SLC35F4: variants seen among roughly 807,000 people sequenced by gnomAD.
The protein encoded by SLC35F4 is chromosome 14 open reading frame 36.
A neutral mutation model predicts 44.2 loss-of-function variants in SLC35F4; 24 were observed. The observed-to-expected ratio is 0.54, with a 90% CI of 0.39 to 0.76. The LOEUF is 0.76. SLC35F4 is among the 30% of genes least tolerant of loss of function. The pLI is 0.00. For missense variants in SLC35F4, 562 were observed against 586.1 expected (o/e 0.96, Z 0.42); for synonymous variants, 238 against 223.6 (o/e 1.06, Z -0.57).
chr14:57,843,036 C>T (rs988246324), intron 1 of SLC35F4, among the ~76,000 whole-genome samples: 2 of 152,180 alleles, frequency 1.3e-5, no homozygotes, highest in African/African-American at 4.8e-5. Context: ...GACTCTTGGA[C>T]TTACACCAGT....
chr14:57,640,381 A>G (rs1212306231), intron 1 of SLC35F4, among the ~76,000 whole-genome samples: 1 of 152,110 alleles, frequency 6.6e-6, no homozygotes, highest in Non-Finnish European at 1.5e-5. Flanking sequence ...AAGGAAAAAG[A>G]AAATGTATAA....
chr14:57,755,258 C>A (rs754326923), intron 1 of SLC35F4, among the ~76,000 whole-genome samples: 1 of 152,118 alleles, frequency 6.6e-6, no homozygotes, highest in Non-Finnish European at 1.5e-5. Context: ...GGGGCCCTGA[C>A]GAAGGGGCTT....
chr14:57,616,963 C>T (rs1242476918), intron 1 of SLC35F4, among the ~76,000 whole-genome samples: 1 of 151,936 alleles, frequency 6.6e-6, no homozygotes, highest in Non-Finnish European at 1.5e-5. Context: ...ACAGACACTG[C>T]ATTATACATT....
intron 1 of SLC35F4, among the ~76,000 whole-genome samples, chr14:57,674,265 G>A (rs2074616027): frequency 6.6e-6 from 1 of 152,066 alleles, no homozygotes; most frequent in Admixed American, 6.6e-5. Flanking sequence ...ATATTGGTAG[G>A]AATATAAAAT....
chr14:57,664,183 A>G (rs2140245428), intron 1 of SLC35F4, among the ~76,000 whole-genome samples: 1 of 152,334 alleles, frequency 6.6e-6, no homozygotes, highest in East Asian at 1.9e-4. Flanking sequence ...ACAGATGTGC[A>G]GAGAACACAC....
At chr14:57,702,708 C>A (rs543304976) in intron 1 of SLC35F4, among the ~76,000 whole-genome samples, 4 of 152,146 alleles carry the variant, frequency 2.6e-5, no homozygotes, top group Admixed American at 6.6e-5. Context: ...AATTACAGCA[C>A]CAGCAGCACA....
chr14:57,691,965 G>C (rs1336599151), intron 1 of SLC35F4, among the ~76,000 whole-genome samples: 9 of 152,156 alleles, frequency 5.9e-5, no homozygotes, highest in African/African-American at 2.2e-4. Context: ...GAACACGATA[G>C]TGTGTGTCCA....
intron 1 of SLC35F4, among the ~76,000 whole-genome samples, chr14:57,811,023 A>G (rs1479733973): frequency 6.6e-6 from 1 of 152,218 alleles, no homozygotes; most frequent in Non-Finnish European, 1.5e-5. Context: ...AAATATCCTG[A>G]CTTCAAAGTA....
At chr14:57,866,751 CTG>C (rs893520978), upstream of SLC35F4, among the ~76,000 whole-genome samples, 1 of 152,026 alleles carries the variant, frequency 6.6e-6, no homozygotes, top group Non-Finnish European at 1.5e-5. Flanking sequence ...GTCCTTCAAA[CTG>C]TAAATATCTG....
chr14:57,578,325 G>GTTTTATTTTTTTTTTTTTTTTT (rs2068957966), intron 4 of SLC35F4, among the ~76,000 whole-genome samples: 1 of 43,116 alleles, frequency 2.3e-5, no homozygotes, highest in Non-Finnish European at 4.6e-5. Context: ...CCCTTTAACT[G>GTTTTATTTTTTTTTTTTTTTTT]TTTTTTTTTT....
chr14:57,725,875 C>A (rs753123089), intron 1 of SLC35F4, among the ~76,000 whole-genome samples: 20 of 152,164 alleles, frequency 1.3e-4, no homozygotes, highest in Non-Finnish European at 2.2e-4. Context: ...CTCACCATCA[C>A]CTCTAGTGAT....
chr14:57,835,165 G>A (rs879702104), intron 1 of SLC35F4, among the ~76,000 whole-genome samples: 9 of 152,194 alleles, frequency 5.9e-5, no homozygotes, highest in East Asian at 1.9e-4. Flanking sequence ...GGGGCAACCC[G>A]TGCTTGAAGA....
chr14:57,621,304 T>C (rs2072165632), intron 1 of SLC35F4, among the ~76,000 whole-genome samples: 2 of 150,252 alleles, frequency 1.3e-5, no homozygotes, highest in African/African-American at 2.4e-5. Flanking sequence ...CTTCACAGAA[T>C]TGGAAAAAAC....
At chr14:57,842,340 A>G (rs753438634) in intron 1 of SLC35F4, among the ~76,000 whole-genome samples, 20 of 152,188 alleles carry the variant, frequency 1.3e-4, no homozygotes, top group Non-Finnish European at 5.9e-5. Context: ...AAACTTAAAA[A>G]GAGATACCCT....
At chr14:57,606,463 C>T (rs926397058) in intron 1 of SLC35F4, among the ~76,000 whole-genome samples, 9 of 152,148 alleles carry the variant, frequency 5.9e-5, no homozygotes, top group African/African-American at 2.2e-4. Flanking sequence ...TCTGGATTTT[C>T]ATATGTTGAG....
chr14:57,912,315 C>CT (rs879329471), intron 1 of SLC35F4, among the ~76,000 whole-genome samples: 1 of 151,760 alleles, frequency 6.6e-6, no homozygotes, highest in African/African-American at 2.4e-5. Context: ...AATTTGCACA[C>CT]TTTTTCTAAT....
chr14:57,913,412 C>T (rs546999269), intron 1 of SLC35F4, among the ~76,000 whole-genome samples: 96 of 151,614 alleles, frequency 6.3e-4, no homozygotes, highest in Middle Eastern at 3.4e-3. Context: ...ATTTTATTTC[C>T]GCCCCTTTCT....
intron 1 of SLC35F4, among the ~76,000 whole-genome samples, chr14:57,709,605 C>T (rs144634735): frequency 2.0e-5 from 3 of 152,126 alleles, no homozygotes; most frequent in East Asian, 1.9e-4. Context: ...GGTGGCTTGC[C>T]GCTCACAAAA....
chr14:57,776,988 AACAC>A (rs937389682), intron 1 of SLC35F4, among the ~76,000 whole-genome samples: 4 of 152,236 alleles, frequency 2.6e-5, no homozygotes, highest in African/African-American at 9.6e-5. Flanking sequence ...GCCACTAAAA[AACAC>A]ACTTAAGTAC....
Sources: allele counts gnomAD v4.1 joint callset (sites outside exome capture counted in the v4.1 genomes callset), GRCh38; gene constraint gnomAD v4.1.1; transcripts MANE v1.5; gene names NCBI Gene and HGNC (gene_info 2026-07-23, HGNC 2026-07-21).